Variants in STIMATE observed in about 807,000 individuals in gnomAD.
STIMATE encodes the protein store-operated calcium entry regulator STIMATE.
Under a neutral mutation model 36.7 loss-of-function variants are expected in STIMATE, and 15 were observed. That is an observed-to-expected ratio of 0.41 (90% CI 0.27 to 0.63). STIMATE has a LOEUF of 0.63. Ranked by LOEUF, STIMATE falls within the 20% of genes least tolerant of loss-of-function variation. The pLI is 0.32. For synonymous variants in STIMATE, 163 were observed against 162.3 expected (o/e 1.00, Z -0.03); for missense variants, 305 against 397.3 (o/e 0.77, Z 1.98).
At chr3:52,891,360 T>G (rs375851366) in intron 1 of STIMATE, among the ~76,000 whole-genome samples, 1 of 152,046 alleles carries the variant, frequency 6.6e-6, no homozygotes, top group Admixed American at 6.5e-5. Flanking sequence ...GTGAGGGGGG[T>G]TGGCATGCTG....
chr3:52,849,840 C>A lies in STIMATE; in HGVS notation c.379G>T (p.Val127Phe), dbSNP rs563182070. Residue 127 changes from valine (V) to phenylalanine (F), a missense_variant, in exon 4 of 8, where the codon GTC becomes TTC. Physicochemically the swap from Val to Phe is conservative, Grantham distance 50. This residue lies in a region of STIMATE where 164 missense variants were observed against 257.9 expected (regional missense o/e 0.64). Coordinates refer to ENST00000355083, the MANE Select transcript of STIMATE (RefSeq NM_198563.5). ...LIYVGVRAVS[V>F]LVEWQQWESL... ...TCCCACTGCTGCCACTCTACCAGGA[C>A]GCTGACGGCGCGCACCCCCACGTAG... 6.2e-7 allele frequency: 1 copy of A among 1,613,786 alleles called. No individual in the cohort carries two copies. The highest frequency in any genetic ancestry group is 1.7e-5 in the Admixed American group (1 of 60,026).
rs377105588 is a variant in STIMATE, at chr3:52,849,851, C to T, written c.368G>A (p.Arg123His). 116 of 1,613,732 alleles carry T rather than the reference C, an allele frequency of 7.2e-5. No individual in the cohort carries two copies. The highest frequency in any genetic ancestry group is 4.9e-4 in the Middle Eastern group (3 of 6,084). Residue 123 changes from arginine to histidine, a missense_variant, in exon 4 of 8, where the codon CGC becomes CAC. By Grantham distance (29) the Arg-to-His change is conservative (BLOSUM62 0). Around this residue, in one of 3 missense-constraint regions of STIMATE, gnomAD observed 164 missense variants for 257.9 expected, o/e 0.64. Coordinates refer to ENST00000355083, the MANE Select transcript of STIMATE (RefSeq NM_198563.5). ...CCACTCTACCAGGACGCTGACGGCGCGCACCCCCACGTAGATGAGCAGCAT... is the reference window on the plus strand; with the variant it reads ...CCACTCTACCAGGACGCTGACGGCGTGCACCCCCACGTAGATGAGCAGCAT... ...VGMLLIYVGV[R>H]AVSVLVEWQQ...
intron 1 of STIMATE, among the ~76,000 whole-genome samples, chr3:52,888,970 A>G (rs2106732090): frequency 1.3e-5 from 2 of 152,258 alleles, no homozygotes; most frequent in East Asian, 3.9e-4. Context: ...CAATGTCCAC[A>G]CCATGAAACC....
chr3:52,880,599 A>G (rs1221724838), intron 1 of STIMATE, among the ~76,000 whole-genome samples: 2 of 152,182 alleles, frequency 1.3e-5, no homozygotes, highest in Non-Finnish European at 2.9e-5. Flanking sequence ...TTCCCGTAGC[A>G]TTGGAGACAG....
intron 1 of STIMATE, among the ~76,000 whole-genome samples, chr3:52,866,057 C>T (rs539398522): frequency 6.6e-5 from 10 of 152,296 alleles, no homozygotes; most frequent in Non-Finnish European, 1.0e-4. Context: ...GCTGCTGCCG[C>T]GAATGTCCCT....
intron 6 of STIMATE, 101 bp downstream of exon 6, chr3:52,843,620 C>A (rs1244548963): frequency 1.4e-6 from 2 of 1,454,660 alleles, no homozygotes; most frequent in South Asian, 1.2e-5. Context: ...CGCAAAAAGA[C>A]CTGAGGGCTA....
At chr3:52,894,573 A>G (rs1340792616) in intron 1 of STIMATE, among the ~76,000 whole-genome samples, 1 of 152,184 alleles carries the variant, frequency 6.6e-6, no homozygotes, top group Non-Finnish European at 1.5e-5. Context: ...AACAAACAAA[A>G]ACAAGGCAAC....
chr3:52,853,214 G>T (rs963396261), intron 2 of STIMATE, among the ~76,000 whole-genome samples: 2 of 152,172 alleles, frequency 1.3e-5, no homozygotes, highest in African/African-American at 4.8e-5. Context: ...TATGATCTCT[G>T]TCTCAATTCC....
intron 1 of STIMATE, among the ~76,000 whole-genome samples, chr3:52,886,639 G>C (rs1031511943): frequency 6.6e-6 from 1 of 152,228 alleles, no homozygotes; most frequent in Non-Finnish European, 1.5e-5. Flanking sequence ...CCAAATGGGG[G>C]AGGCTTTCCA....
intron 1 of STIMATE, among the ~76,000 whole-genome samples, chr3:52,874,636 G>A (rs34026403): frequency 0.09 from 13,693 of 152,214 alleles, 772 homozygotes; most frequent in Non-Finnish European, 0.13. Flanking sequence ...TGAGCCGGGC[G>A]GATCACTTGA....
chr3:52,845,992 A>C (rs2106655940), intron 4 of STIMATE, among the ~76,000 whole-genome samples: 1 of 152,226 alleles, frequency 6.6e-6, no homozygotes, highest in South Asian at 2.1e-4. Context: ...TGAGAAGATA[A>C]TTTGGTCCAA....
rs1700740832 is a variant in STIMATE at position 52,838,408 on chromosome 3, C to T, written c.*2086G>A. On this transcript the variant is annotated 3_prime_UTR_variant, in exon 8 of 8. Coordinates refer to ENST00000355083, the MANE Select transcript of STIMATE (RefSeq NM_198563.5). ...AGCTGCAGGCACAGGTTGTTCAAAC[C>T]AAAATGAAACAGGAGGGGAGGAATT... The T allele has an allele frequency of 6.6e-6, 1 of 152,202 alleles. No homozygotes were observed. The highest frequency in any genetic ancestry group is 1.5e-5 in the Non-Finnish European group (1 of 68,064). The allele number at this position is 152,202 out of a possible 1,614,324, so 9.4% of individuals were successfully genotyped here. A position where few individuals can be genotyped will look rare whatever the true frequency, so the allele number is the denominator to read the frequency against.
intron 3 of STIMATE, 141 bp from the exon 4 acceptor site, chr3:52,850,054 A>G: frequency 1.4e-6 from 2 of 1,392,056 alleles, no homozygotes; most frequent in Non-Finnish European, 1.9e-6. Flanking sequence ...CTCATGTGCC[A>G]GTGTAGCTGT....
At chr3:52,864,020 C>G (rs1404547274) in intron 1 of STIMATE, among the ~76,000 whole-genome samples, 14 of 152,254 alleles carry the variant, frequency 9.2e-5, no homozygotes. Context: ...TCCAGGCTAA[C>G]AGCGCAAGCT....
intron 5 of STIMATE, among the ~76,000 whole-genome samples, chr3:52,844,598 T>C (rs1342427012): frequency 6.6e-6 from 1 of 152,234 alleles, no homozygotes; most frequent in Non-Finnish European, 1.5e-5. Context: ...GGGACTGTAT[T>C]TCATTAGTTT....
intron 1 of STIMATE, among the ~76,000 whole-genome samples, chr3:52,859,675 CAA>C (rs1458111233): frequency 7.8e-6 from 1 of 127,970 alleles, no homozygotes. Context: ...AACCCTGATT[CAA>C]AAAAAAAAGA....
intron 1 of STIMATE, among the ~76,000 whole-genome samples, chr3:52,896,421 T>C (rs1575355439): frequency 6.6e-6 from 1 of 152,114 alleles, no homozygotes; most frequent in East Asian, 1.9e-4. Flanking sequence ...AACTTCTTGT[T>C]ACTTTAATAA....
rs1336373942 is a variant in STIMATE, at chr3:52,852,675, G to C, written c.233C>G (p.Ala78Gly). The C allele has an allele frequency of 1.2e-6, 2 of 1,614,004 alleles. No individual in the cohort carries two copies. Among genetic ancestry groups the C allele is most frequent in the African/African-American group, 2.7e-5 (2 of 74,936 alleles). ...RIWFLDTSKQ[A>G]IGMLFIHFAN... Reference sequence around the variant, plus strand: ...AAAGTGGATGAACAGCATTCCTATGGCTTGTTTGGAAGTGTCTAAAAACCT... The same window carrying C: ...AAAGTGGATGAACAGCATTCCTATGCCTTGTTTGGAAGTGTCTAAAAACCT... Residue 78 changes from alanine (A) to glycine (G), a missense_variant, in exon 3 of 8, where the codon GCC becomes GGC. Around this residue, in one of 3 missense-constraint regions of STIMATE, gnomAD observed 164 missense variants for 257.9 expected, o/e 0.64. Coordinates refer to ENST00000355083, the MANE Select transcript of STIMATE (RefSeq NM_198563.5).
chr3:52,890,250 G>C (rs143417653), intron 1 of STIMATE, among the ~76,000 whole-genome samples: 1 of 152,322 alleles, frequency 6.6e-6, no homozygotes, highest in African/African-American at 2.4e-5. Flanking sequence ...TCTTCGTCAA[G>C]GAAACATCCA....
Sources: gnomAD v4.1 joint callset for allele counts (sites outside exome capture counted in the v4.1 genomes callset) on GRCh38, gnomAD v4.1.1 for gene constraint, gnomAD v4.1.1 regional missense constraint, MANE v1.5 for transcripts, NCBI Gene and HGNC (gene_info 2026-07-23, HGNC 2026-07-21) for gene names.